Variants in ENPP1 observed in about 807,000 individuals in gnomAD.
ENPP1 encodes ectonucleotide pyrophosphatase/phosphodiesterase 1.
In ENPP1, 73 loss-of-function variants were observed where a neutral mutation model predicts 122.8. The ratio of observed to expected loss-of-function variants is 0.59; its 90% CI spans 0.49 to 0.72. The LOEUF (loss-of-function observed/expected upper bound fraction) is 0.72, where lower values mean the gene tolerates loss of function less well. ENPP1 is among the 30% of genes least tolerant of loss of function. The probability of loss-of-function intolerance (pLI) is 0.00; values close to 1 mark genes in which losing one functional copy is unlikely to be tolerated. For missense variants in ENPP1, 978 were observed against 1,128.1 expected (o/e 0.87, Z 1.91); for synonymous variants, 367 against 391.6 (o/e 0.94, Z 0.74).
intron 10 of ENPP1, 68 bp downstream of exon 10, chr6:131,864,639 GACT>G: frequency 3.5e-6 from 4 of 1,135,978 alleles, no homozygotes; most frequent in Non-Finnish European, 5.3e-6. Context: ...TTTTAAAATA[GACT>G]ACAACAAAAC....
At chr6:131,835,144 CTT>C (rs1434927135) in intron 1 of ENPP1, among the ~76,000 whole-genome samples, 4 of 152,156 alleles carry the variant, frequency 2.6e-5, no homozygotes, top group African/African-American at 4.8e-5. Flanking sequence ...TTTCACCAAA[CTT>C]ATATTTTTAA....
intron 1 of ENPP1, among the ~76,000 whole-genome samples, chr6:131,813,087 C>T (rs576540783): frequency 6.6e-6 from 1 of 152,246 alleles, no homozygotes; most frequent in East Asian, 1.9e-4. Context: ...GAATTTCACC[C>T]ACCTCAGCCT....
At chr6:131,873,198 A>G (rs1782185453) in intron 15 of ENPP1, 148 bp downstream of exon 15, 5 of 971,182 alleles carry the variant, frequency 5.1e-6, no homozygotes, top group South Asian at 2.6e-5. Flanking sequence ...ATGTCGGCCT[A>G]TGGATGTTTG....
intron 24 of ENPP1, among the ~76,000 whole-genome samples, 157 bp downstream of exon 24, chr6:131,886,881 G>A (rs920756835): frequency 6.6e-6 from 1 of 150,384 alleles, no homozygotes; most frequent in Non-Finnish European, 1.5e-5. Context: ...CTTTTAAGAT[G>A]ACATATCTTT....
chr6:131,825,096 A>G (rs1781531011), intron 1 of ENPP1, among the ~76,000 whole-genome samples: 1 of 152,148 alleles, frequency 6.6e-6, no homozygotes, highest in African/African-American at 2.4e-5. Flanking sequence ...ATTGAAAGCA[A>G]TTGGAAATCA....
At chr6:131,877,355 A>G in intron 18 of ENPP1, 194 bp downstream of exon 18, 1 of 633,092 alleles carries the variant, frequency 1.6e-6, no homozygotes, top group Non-Finnish European at 2.8e-6. Flanking sequence ...TGCATTTTCC[A>G]CTCTATTTTT....
intron 13 of ENPP1, among the ~76,000 whole-genome samples, chr6:131,871,849 C>T (rs1364218984): frequency 6.6e-6 from 1 of 152,114 alleles, no homozygotes; most frequent in Non-Finnish European, 1.5e-5. Flanking sequence ...TTGTCTTTCC[C>T]TTTAACAATA....
intron 24 of ENPP1, among the ~76,000 whole-genome samples, chr6:131,886,926 C>CTTTT (rs60409660): frequency 2.7e-5 from 3 of 110,628 alleles, no homozygotes; most frequent in Admixed American, 9.3e-5. Flanking sequence ...TTACTTTTTT[C>CTTTT]TTTTTTTTTT....
At chr6:131,814,754 C>G (rs1243101591) in intron 1 of ENPP1, among the ~76,000 whole-genome samples, 2 of 152,118 alleles carry the variant, frequency 1.3e-5, no homozygotes, top group African/African-American at 4.8e-5. Flanking sequence ...TTCAGAATAA[C>G]CAGAGCATCT....
chr6:131,827,603 A>G (rs1781561065), intron 1 of ENPP1: 1 of 596,164 alleles, frequency 1.7e-6, no homozygotes, highest in Non-Finnish European at 3.1e-6. Flanking sequence ...AACATAAGTT[A>G]TGATGAGCAC....
At chr6:131,829,423 G>A (rs1781584027) in intron 1 of ENPP1, among the ~76,000 whole-genome samples, 1 of 152,100 alleles carries the variant, frequency 6.6e-6, no homozygotes, top group African/African-American at 2.4e-5. Flanking sequence ...TTGCATCAAA[G>A]GGATTTGAGA....
Position 131,850,066 on chromosome 6 carries a change from AAACTGCTGTT to A in ENPP1, c.391_400del (p.Asn131Ter), listed in dbSNP as rs773878819. On this transcript the variant is annotated frameshift_variant, in exon 3 of 25. Coordinates refer to ENST00000647893, the MANE Select transcript of ENPP1 (RefSeq NM_006208.3). LOFTEE classifies it high-confidence loss of function. The stretch of plus-strand genomic sequence containing the variant: ...GTGATGCTGCCTGTGTTGAGCTTGG[AAACTGCTGTT>A]TAGATTACCAGGAGACGTGCATAGA... The A allele has an allele frequency of 1.2e-6, 2 of 1,613,798 alleles. No homozygotes were observed. Among genetic ancestry groups the A allele is most frequent in the African/African-American group, 2.7e-5 (2 of 74,902 alleles).
rs115951650 is a variant in ENPP1 at position 131,875,718 on chromosome 6, G to T, written c.1636-58G>T. ...GTACAATGTGGATAACAGAATTTTTGGGACCAACTTGTAGACAGCTGAAAT... is the reference window on the plus strand; with the variant it reads ...GTACAATGTGGATAACAGAATTTTTTGGACCAACTTGTAGACAGCTGAAAT... On this transcript the variant is annotated intron_variant, in intron 16 of 24. Transcript: ENST00000647893. The T allele has an allele frequency of 4.6e-3, 6,222 of 1,356,938 alleles. 139 individuals carry two copies. In the African/African-American group the frequency reaches 0.049, roughly 11 times the overall value. 84.1% of individuals were successfully genotyped at this position (1,356,938 alleles called of 1,614,324 possible).
chr6:131,883,802 A>G lies in ENPP1; in HGVS notation c.2311+28A>G, dbSNP rs371670481. On this transcript the variant is annotated intron_variant, in intron 22 of 24. Transcript: ENST00000647893. The stretch of plus-strand genomic sequence containing the variant: ...AAATAATGTTAACTCTATATTTGAT[A>G]ATTTTAATGAATTTGTGCACATATA... The G allele has an allele frequency of 7.2e-6, 8 of 1,118,604 alleles. No individual in the cohort carries two copies. In the African/African-American group the frequency reaches 7.6e-5, roughly 11 times the overall value. The allele number at this position is 1,118,604 out of a possible 1,614,324, so 69.3% of individuals were successfully genotyped here. A position where few individuals can be genotyped will look rare whatever the true frequency, so the allele number is the denominator to read the frequency against.
At position 131,890,612 on chromosome 6, in the gene ENPP1, A is replaced by T; in HGVS notation, c.*101A>T. On this transcript the variant is annotated 3_prime_UTR_variant, in exon 25 of 25. Coordinates refer to ENST00000647893, the MANE Select transcript of ENPP1 (RefSeq NM_006208.3). ...TTGCATTGTTCAGAAACTGTCGACCAGAGTTAGAACGGAGCCCTCGGTGAT... is the reference window on the plus strand; with the variant it reads ...TTGCATTGTTCAGAAACTGTCGACCTGAGTTAGAACGGAGCCCTCGGTGAT... The T allele has an allele frequency of 9.0e-7, 1 of 1,112,212 alleles. No individual in the cohort carries two copies. Among genetic ancestry groups the T allele is most frequent in the East Asian group, 2.4e-5 (1 of 41,644 alleles). The allele number at this position is 1,112,212 out of a possible 1,614,324, so 68.9% of individuals were successfully genotyped here.
At chr6:131,827,108 A>G in intron 1 of ENPP1, 1 of 692,336 alleles carries the variant, frequency 1.4e-6, no homozygotes, top group African/African-American at 1.8e-5. Context: ...CGGTGAACTC[A>G]AAGACATTTG....
rs774374199 is a variant in ENPP1 at position 131,886,667 on chromosome 6, C to G, written c.2550C>G (p.Asn850Lys). Residue 850 changes from asparagine (N) to lysine (K), a missense_variant, in exon 24 of 25, where the codon AAC becomes AAG. Transcript: ENST00000647893. ...DTSQTPLHCE[N>K]LDTLAFILPH... ...CTCAGACGCCTTTGCACTGTGAAAA[C>G]CTAGACACCTTAGCTTTCATTTTGC... The G allele has an allele frequency of 6.2e-7, 1 of 1,614,046 alleles. No individual in the cohort carries two copies. Among genetic ancestry groups the G allele is most frequent in the East Asian group, 2.2e-5 (1 of 44,854 alleles).
intron 2 of ENPP1, among the ~76,000 whole-genome samples, chr6:131,848,559 A>T (rs548279577): frequency 1.3e-5 from 2 of 152,294 alleles, no homozygotes; most frequent in Non-Finnish European, 1.5e-5. Context: ...GCTATCATGT[A>T]CTGTTGAAAA....
intron 24 of ENPP1, 106 bp from the exon 25 acceptor site, chr6:131,890,235 C>A: frequency 1.1e-6 from 1 of 918,676 alleles, no homozygotes; most frequent in Non-Finnish European, 1.8e-6. Context: ...CGTTCCACTT[C>A]AGAGCTGAAA....
Sources: allele counts gnomAD v4.1 joint callset (sites outside exome capture counted in the v4.1 genomes callset), GRCh38; gene constraint gnomAD v4.1.1; transcripts MANE v1.5; gene names NCBI Gene and HGNC (gene_info 2026-07-23, HGNC 2026-07-21).